Variants in TRIM26 observed in about 807,000 individuals in gnomAD.
TRIM26 encodes tripartite motif-containing protein 26.
A neutral mutation model predicts 45.5 loss-of-function variants in TRIM26; 16 were observed. The ratio of observed to expected loss-of-function variants is 0.35; its 90% CI spans 0.24 to 0.53. The LOEUF (loss-of-function observed/expected upper bound fraction) is 0.53. Among genes scored for constraint, TRIM26 ranks in the 20% least tolerant of loss-of-function variants. The pLI is 0.92. For synonymous variants in TRIM26, 273 were observed against 290.4 expected, an observed-to-expected ratio of 0.94 and a Z score of 0.61; for missense variants, 442 against 691.1, an observed-to-expected ratio of 0.64 and a Z score of 4.04.
intron 1 of TRIM26, among the ~76,000 whole-genome samples, chr6:30,210,217 A>C (rs1355635390): frequency 6.6e-6 from 1 of 151,626 alleles, no homozygotes; most frequent in Non-Finnish European, 1.5e-5. Context: ...AACAAAAAAA[A>C]AAAACTGCAC....
At chr6:30,203,918 T>C (rs1443041202) in intron 2 of TRIM26, among the ~76,000 whole-genome samples, 4 of 152,122 alleles carry the variant, frequency 2.6e-5, no homozygotes, top group African/African-American at 9.7e-5. Flanking sequence ...GCTACAGTTT[T>C]CTATCACATT....
At chr6:30,208,917 T>C (rs1029428069) in intron 1 of TRIM26, among the ~76,000 whole-genome samples, 6 of 136,104 alleles carry the variant, frequency 4.4e-5, no homozygotes, top group African/African-American at 2.0e-4. Context: ...TGTGTGTGTG[T>C]GTGTGTGTGT....
chr6:30,188,092 G>A (rs376639131), intron 9 of TRIM26, among the ~76,000 whole-genome samples: 29 of 148,568 alleles, frequency 2.0e-4, no homozygotes, highest in African/African-American at 5.7e-4. Flanking sequence ...GGTGGCGGGC[G>A]CCTGTAGTCC....
chr6:30,198,861 C>G lies in TRIM26; in HGVS notation c.243G>C (p.Leu81=), dbSNP rs1317741655. Residue 81 remains leucine (L), a synonymous_variant, in exon 4 of 10, where the codon CTG becomes CTC. Transcript: ENST00000454678. The surrounding 1 kb of genome is among the most constrained non-coding windows in gnomAD (Gnocchi z 6.3). The stretch of plus-strand genomic sequence containing the variant: ...CCGGCTGCCTGCCCTTGTCCACCTT[C>G]AGCCGCTCAATGTTCTCCACCAGGC... ...LASLVENIER[L]KVDKGRQPGE... The G allele has an allele frequency of 1.9e-6, 3 of 1,612,922 alleles. No homozygotes were observed.
chr6:30,206,384 C>T (rs2127530670), intron 1 of TRIM26, among the ~76,000 whole-genome samples: 1 of 152,344 alleles, frequency 6.6e-6, no homozygotes, highest in Middle Eastern at 3.4e-3. Context: ...AAGCACAGTG[C>T]AGGCCACAAA....
intron 6 of TRIM26, among the ~76,000 whole-genome samples, chr6:30,194,901 TAAAC>T (rs1198320146): frequency 5.9e-5 from 9 of 151,874 alleles, no homozygotes; most frequent in Non-Finnish European, 1.2e-4. Flanking sequence ...GTCTCAAAAA[TAAAC>T]AAACAAAAAC....
chr6:30,201,834 T>G, intron 2 of TRIM26, among the ~76,000 whole-genome samples: 1 of 148,684 alleles, frequency 6.7e-6, no homozygotes, highest in South Asian at 2.1e-4. Context: ...GGTGACAGAG[T>G]GAGACTCCAT....
chr6:30,190,087 C>T lies in TRIM26; in HGVS notation c.766-52G>A, dbSNP rs1775663289. 6.3e-7 allele frequency: 1 copy of T among 1,594,092 alleles called. No homozygotes were observed. Among genetic ancestry groups the T allele is most frequent in the Non-Finnish European group, 8.6e-7 (1 of 1,163,956 alleles). ...TATCAATATGAATCAAATAAGACTTCAATGCATCTGCACCCAACACTGTAG... is the reference window on the plus strand; with the variant it reads ...TATCAATATGAATCAAATAAGACTTTAATGCATCTGCACCCAACACTGTAG... On this transcript the variant is annotated intron_variant, in intron 6 of 9. Transcript: ENST00000454678. The surrounding 1 kb of genome is among the most constrained non-coding windows in gnomAD (Gnocchi z 4.3).
At chr6:30,208,711 G>A (rs1257611017) in intron 1 of TRIM26, among the ~76,000 whole-genome samples, 1 of 151,966 alleles carries the variant, frequency 6.6e-6, no homozygotes, top group Non-Finnish European at 1.5e-5. Context: ...GAATATTTCT[G>A]CATACATGTT....
intron 1 of TRIM26, among the ~76,000 whole-genome samples, chr6:30,210,347 T>G (rs1778163152): frequency 1.3e-5 from 2 of 152,096 alleles, no homozygotes; most frequent in South Asian, 4.1e-4. Context: ...GACAGCCCCT[T>G]CTTCACTCCC....
At chr6:30,200,340 C>T (rs536647310) in intron 3 of TRIM26, among the ~76,000 whole-genome samples, 1 of 152,172 alleles carries the variant, frequency 6.6e-6, no homozygotes, top group Non-Finnish European at 1.5e-5. Flanking sequence ...CACTGAGGTT[C>T]TTTACCAAAA....
intron 6 of TRIM26, among the ~76,000 whole-genome samples, chr6:30,193,190 T>A (rs1250303817): frequency 8.2e-4 from 69 of 84,468 alleles, no homozygotes; most frequent in African/African-American, 2.6e-3. Flanking sequence ...ATATTTTTTT[T>A]TTTTTTTTTT....
Position 30,207,251 on chromosome 6 carries a change from A to C in TRIM26, c.-375-2486T>G, listed in dbSNP as rs982337175. On this transcript the variant is annotated intron_variant, in intron 1 of 9. Transcript: ENST00000454678. This position sits in a 1 kb window ranked among gnomAD's most constrained non-coding sequence, Gnocchi z 4.9. ...GGAAGCCATTGAGGGTTTAAGCAGC[A>C]GGATGTTGAAAGTTATTCAACAGCT... Among the ~76,000 whole-genome samples, 1 of 152,214 alleles carries C rather than the reference A, an allele frequency of 6.6e-6. No individual in the cohort carries two copies. Among genetic ancestry groups the C allele is most frequent in the African/African-American group, 2.4e-5 (1 of 41,454 alleles).
intron 6 of TRIM26, among the ~76,000 whole-genome samples, chr6:30,192,283 A>G (rs962818955): frequency 9.2e-5 from 14 of 152,162 alleles, no homozygotes; most frequent in South Asian, 8.3e-4. Context: ...ACTAAGAGAG[A>G]GCATCAAGAA....
intron 2 of TRIM26, among the ~76,000 whole-genome samples, chr6:30,203,422 T>G (rs1387079886): frequency 6.6e-6 from 1 of 151,922 alleles, no homozygotes; most frequent in Non-Finnish European, 1.5e-5. Flanking sequence ...ATTAATATAT[T>G]TATTTATTTT....
In TRIM26 at chr6:30,198,106, C is replaced by T. The variant is rs563380765; in HGVS notation, c.534+323G>A. 7.9e-5 allele frequency among the ~76,000 whole-genome samples: 12 copies of T among 152,368 alleles called. No individual in the cohort carries two copies. Among genetic ancestry groups the T allele is most frequent in the Admixed American group, 2.0e-4 (3 of 15,308 alleles). Reference sequence around the variant, plus strand: ...CTCTTTGAAAGGAAGAATGAAGCCACACCTTCTTCAGTCCCCTGGCAGAAG... The same window carrying T: ...CTCTTTGAAAGGAAGAATGAAGCCATACCTTCTTCAGTCCCCTGGCAGAAG... On this transcript the variant is annotated intron_variant, in intron 5 of 9. Coordinates refer to ENST00000454678, the MANE Select transcript of TRIM26 (RefSeq NM_003449.5). The surrounding 1 kb of genome is among the most constrained non-coding windows in gnomAD (Gnocchi z 6.3).
intron 5 of TRIM26, among the ~76,000 whole-genome samples, chr6:30,197,326 C>T (rs1164546345): frequency 6.6e-6 from 1 of 152,136 alleles, no homozygotes; most frequent in Non-Finnish European, 1.5e-5. Flanking sequence ...TCCTCAGTGG[C>T]CCTGTTGACT....
chr6:30,189,160 C>A lies in TRIM26; in HGVS notation c.937+7G>T. 3 of 1,612,512 alleles carry A rather than the reference C, an allele frequency of 1.9e-6. No homozygotes were observed. The highest frequency in any genetic ancestry group is 2.2e-5 in the South Asian group (2 of 91,034). On this transcript the variant is annotated splice_region_variant and intron_variant, in intron 9 of 9. Transcript: ENST00000454678. This position sits in a 1 kb window ranked among gnomAD's most constrained non-coding sequence, Gnocchi z 5.0. ...GTACATCTGGGAAACACCCTCTAGA[C>A]ACTCACCTGTCTTATATTCCAAGTC... is the stretch of plus-strand genomic sequence containing the variant.
chr6:30,208,315 T>C (rs1777920258), intron 1 of TRIM26, among the ~76,000 whole-genome samples: 1 of 152,122 alleles, frequency 6.6e-6, no homozygotes, highest in African/African-American at 2.4e-5. Flanking sequence ...CAGCAAATCA[T>C]CGTATCCAAG....
Sources: gnomAD v4.1 joint callset for allele counts (sites outside exome capture counted in the v4.1 genomes callset) on GRCh38, gnomAD v4.1.1 for gene constraint, Gnocchi (gnomAD v3.1) non-coding constraint, MANE v1.5 for transcripts, NCBI Gene and HGNC (gene_info 2026-07-23, HGNC 2026-07-21) for gene names.